PRKD2: variants seen among roughly 807,000 people sequenced by gnomAD.
PRKD2 encodes the protein serine/threonine-protein kinase D2.
In PRKD2, 22 loss-of-function variants were observed where a neutral mutation model predicts 86.0. The observed-to-expected ratio is 0.26, with a 90% CI of 0.18 to 0.37. The LOEUF (loss-of-function observed/expected upper bound fraction) is 0.37, where lower values mean the gene tolerates loss of function less well. Among genes scored for constraint, PRKD2 ranks in the 10% least tolerant of loss-of-function variants. The probability of loss-of-function intolerance (pLI) is 1.00; values close to 1 mark genes in which losing one functional copy is unlikely to be tolerated. For synonymous variants in PRKD2, 509 were observed against 510.9 expected, an observed-to-expected ratio of 1.00 and a Z score of 0.05; for missense variants, 818 against 1,199.2, an observed-to-expected ratio of 0.68 and a Z score of 4.70.
chr19:46,698,606 G>C (rs2122713971), intron 7 of PRKD2, among the ~76,000 whole-genome samples: 1 of 152,306 alleles, frequency 6.6e-6, no homozygotes, highest in African/African-American at 2.4e-5. Flanking sequence ...ACCTCTCTGG[G>C]CCTCACCTCC....
Position 46,697,158 on chromosome 19 carries a change from T to C in PRKD2, c.1316A>G (p.Lys439Arg). The C allele has an allele frequency of 1.3e-6, 2 of 1,574,752 alleles. No individual in the cohort carries two copies. The highest frequency in any genetic ancestry group is 1.7e-6 in the Non-Finnish European group (2 of 1,144,262). The change falls in exon 9 of 18, where the codon AAG (lysine) becomes AGG (arginine). Residue 439 changes from lysine (K) to arginine (R), a missense_variant and splice_region_variant. By Grantham distance (26) the Lys-to-Arg change is conservative. Transcript: ENST00000291281. ...FQNNTTNRYY[K>R]EIPLSEILTV... ...GGAGCTGAAAGCCCGGAGGCTTACC[T>C]TATAGTATCTGTTGGTCGTGTTGTT...
chr19:46,707,043 G>A (rs371399929), intron 3 of PRKD2, among the ~76,000 whole-genome samples: 53 of 152,022 alleles, frequency 3.5e-4, no homozygotes, highest in Non-Finnish European at 4.4e-4. Context: ...ATAGGTACCC[G>A]CCACCACACC....
chr19:46,678,580 C>T lies in PRKD2; in HGVS notation c.2154G>A (p.Leu718=), dbSNP rs1385745746. 6.2e-7 allele frequency: 1 copy of T among 1,613,980 alleles called. No individual in the cohort carries two copies. The highest frequency in any genetic ancestry group is 8.5e-7 in the Non-Finnish European group (1 of 1,180,038). ...RRSVVGTPAY[L]APEVLLNQGY... ...CCTGGTTGAGCAGCACCTCGGGTGC[C>T]AGGTAGGCCGGCGTGCCCACCACTG... The change falls in exon 16 of 18, where the codon CTG becomes CTA. Residue 718 remains leucine (L), a synonymous_variant. Transcript: ENST00000291281. The surrounding 1 kb of genome is among the most constrained non-coding windows in gnomAD (Gnocchi z 5.7).
At chr19:46,708,395 G>A (rs552451571) in intron 3 of PRKD2, among the ~76,000 whole-genome samples, 1 of 128,174 alleles carries the variant, frequency 7.8e-6, no homozygotes, top group Non-Finnish European at 1.6e-5. Context: ...ACGGCTCACC[G>A]CAGCCTCAAC....
rs551631016 is a variant in PRKD2, at chr19:46,674,486, G to T, written c.*37C>A. On this transcript the variant is annotated 3_prime_UTR_variant, in exon 18 of 18. Coordinates refer to ENST00000291281, the MANE Select transcript of PRKD2 (RefSeq NM_016457.5). ...CATTGCTGGGATCCTGTGAAGAACC[G>T]CTGTGGAGGGCAGCAGCTGGACGAG... 2 of 1,583,532 alleles carry T rather than the reference G, an allele frequency of 1.3e-6. No homozygotes were observed. Among genetic ancestry groups the T allele is most frequent in the South Asian group, 1.1e-5 (1 of 87,320 alleles).
At chr19:46,681,565 T>A in intron 15 of PRKD2, 85 bp downstream of exon 15, 1 of 991,066 alleles carries the variant, frequency 1.0e-6, no homozygotes, top group Middle Eastern at 3.0e-4. Context: ...CCCCACATCT[T>A]GATTAGTATA....
At chr19:46,714,370 C>A in intron 1 of PRKD2, 1 of 947,854 alleles carries the variant, frequency 1.1e-6, no homozygotes, top group East Asian at 9.8e-5. Context: ...ACCCGCCCCC[C>A]AGCTTCCTTC....
intron 3 of PRKD2, among the ~76,000 whole-genome samples, chr19:46,707,229 A>T (rs1238397554): frequency 1.3e-5 from 2 of 152,172 alleles, no homozygotes; most frequent in African/African-American, 4.8e-5. Flanking sequence ...GCACCCACGG[A>T]GCTAGAGATG....
chr19:46,687,322 G>GT (rs750069137), intron 14 of PRKD2, among the ~76,000 whole-genome samples: 1 of 152,024 alleles, frequency 6.6e-6, no homozygotes, highest in Non-Finnish European at 1.5e-5. Flanking sequence ...AACCCGGGAG[G>GT]TCAAGGCTGC....
chr19:46,684,858 G>C (rs955403266), intron 14 of PRKD2, among the ~76,000 whole-genome samples: 2 of 152,038 alleles, frequency 1.3e-5, no homozygotes, highest in Non-Finnish European at 2.9e-5. Context: ...AGCTACTCAG[G>C]AGGCTGAGGC....
At chr19:46,700,397 G>A (rs1237482531) in intron 7 of PRKD2, among the ~76,000 whole-genome samples, 1 of 151,564 alleles carries the variant, frequency 6.6e-6, no homozygotes, top group African/African-American at 2.4e-5. Context: ...AGGCTGAGGC[G>A]GGTGGATCAC....
At chr19:46,674,960 C>T in intron 17 of PRKD2, 73 bp downstream of exon 17, 1 of 1,420,082 alleles carries the variant, frequency 7.0e-7, no homozygotes, top group Non-Finnish European at 9.7e-7. Context: ...CACAACCTGC[C>T]TAGCCAATAA....
rs187220795 is a variant in PRKD2, at chr19:46,677,957, C to T, written c.2338+439G>A. 2.9e-3 allele frequency among the ~76,000 whole-genome samples: 445 copies of T among 152,298 alleles called. 1 individual carries two copies. Among genetic ancestry groups the T allele is most frequent in the Non-Finnish European group, 4.3e-3 (291 of 68,020 alleles). On this transcript the variant is annotated intron_variant, in intron 16 of 17. Coordinates refer to ENST00000291281, the MANE Select transcript of PRKD2 (RefSeq NM_016457.5). ...GCCCTTGTTTCTCAACCCTACCCAC[C>T]GGTGCCTCCTTTTTGCAAGGCTGAC...
At chr19:46,700,666 A>G in intron 7 of PRKD2, 133 bp downstream of exon 7, 1 of 1,210,244 alleles carries the variant, frequency 8.3e-7, no homozygotes, top group Non-Finnish European at 1.1e-6. Context: ...GTAGTGCTTT[A>G]AAAGGTTTGC....
chr19:46,687,491 A>C (rs2053418823), intron 14 of PRKD2, among the ~76,000 whole-genome samples: 1 of 152,210 alleles, frequency 6.6e-6, no homozygotes, highest in Non-Finnish European at 1.5e-5. Flanking sequence ...TCCTAGGTTC[A>C]AATCCCACCA....
At position 46,675,066 on chromosome 19, in the gene PRKD2, G is replaced by C; in HGVS notation, c.2391C>G (p.Ser797Arg). ...LLQVKMRKRY[S>R]VDKSLSHPWL... ...AGGGGTGGCTGAGAGATTTGTCCAC[G>C]CTGTAGCGTTTGCGCATCTTCACCT... Residue 797 changes from serine (S) to arginine (R), a missense_variant, in exon 17 of 18, where the codon AGC becomes AGG. Coordinates refer to ENST00000291281, the MANE Select transcript of PRKD2 (RefSeq NM_016457.5). 6.2e-7 allele frequency: 1 copy of C among 1,611,084 alleles called. No individual in the cohort carries two copies. Among genetic ancestry groups the C allele is most frequent in the Non-Finnish European group, 8.5e-7 (1 of 1,178,424 alleles).
intron 14 of PRKD2, among the ~76,000 whole-genome samples, chr19:46,683,241 C>T (rs112512928): frequency 1.7e-3 from 257 of 149,878 alleles, no homozygotes; most frequent in African/African-American, 5.6e-3. Context: ...ATTACAGGCA[C>T]ACACCACCAT....
chr19:46,697,095 G>A lies in PRKD2; in HGVS notation c.1317+62C>T, dbSNP rs1006344048. The A allele has an allele frequency of 1.5e-5, 19 of 1,292,992 alleles. No homozygotes were observed. In the African/African-American group the frequency reaches 1.8e-4, roughly 12 times the overall value. The allele number at this position is 1,292,992 out of a possible 1,614,324, so 80.1% of individuals were successfully genotyped here. On this transcript the variant is annotated intron_variant, in intron 9 of 17. Coordinates refer to ENST00000291281, the MANE Select transcript of PRKD2 (RefSeq NM_016457.5). ...TCTGGAGTAACTGGGGGTAGGAGGA[G>A]GTGTGGGAAAGTTTGTGGGCACAGC...
In PRKD2 at chr19:46,693,311, G is replaced by A. The variant is rs369878452; in HGVS notation, c.1576+564C>T. Among the ~76,000 whole-genome samples, 347 of 152,280 alleles carry A rather than the reference G, an allele frequency of 2.3e-3. No individual in the cohort carries two copies. The highest frequency in any genetic ancestry group is 7.9e-3 in the African/African-American group (327 of 41,564). ...ACCACTGGGTCCCCAGCACTGTCCCGCACAGAGGAGGCACTCAGTAAGTGC... is the reference window on the plus strand; with the variant it reads ...ACCACTGGGTCCCCAGCACTGTCCCACACAGAGGAGGCACTCAGTAAGTGC... On this transcript the variant is annotated intron_variant, in intron 10 of 17. Coordinates refer to ENST00000291281, the MANE Select transcript of PRKD2 (RefSeq NM_016457.5). The surrounding 1 kb of genome is among the most constrained non-coding windows in gnomAD (Gnocchi z 4.5).
Sources: gnomAD v4.1 joint callset for allele counts (sites outside exome capture counted in the v4.1 genomes callset) on GRCh38, gnomAD v4.1.1 for gene constraint, Gnocchi (gnomAD v3.1) non-coding constraint, MANE v1.5 for transcripts, NCBI Gene and HGNC (gene_info 2026-07-23, HGNC 2026-07-21) for gene names.